Variants in SCAPER observed in about 807,000 individuals in gnomAD.
SCAPER encodes the protein S phase cyclin A-associated protein in the endoplasmic reticulum.
Under a neutral mutation model 182.2 loss-of-function variants are expected in SCAPER, and 98 were observed. The observed-to-expected ratio is 0.54, with a 90% CI of 0.46 to 0.64. The LOEUF (loss-of-function observed/expected upper bound fraction) is 0.64. Among genes scored for constraint, SCAPER ranks in the 30% least tolerant of loss-of-function variants. SCAPER has a pLI of 0.00. For missense variants in SCAPER, 1,432 were observed against 1,690.0 expected, an observed-to-expected ratio of 0.85 and a Z score of 2.68; for synonymous variants, 605 against 564.6, an observed-to-expected ratio of 1.07 and a Z score of -1.01.
chr15:76,714,588 G>A (rs1237226242), intron 17 of SCAPER, among the ~76,000 whole-genome samples: 1 of 150,438 alleles, frequency 6.6e-6, no homozygotes, highest in Non-Finnish European at 1.5e-5. Flanking sequence ...TAGTGATTTG[G>A]AGGGACATAA....
At chr15:76,436,028 C>T (rs973278763) in intron 25 of SCAPER, among the ~76,000 whole-genome samples, 5 of 152,040 alleles carry the variant, frequency 3.3e-5, no homozygotes, top group Non-Finnish European at 7.4e-5. Context: ...TATTTCTTTG[C>T]TAATTTCCTC....
At chr15:76,748,281 C>T (rs943083548) in intron 15 of SCAPER, among the ~76,000 whole-genome samples, 5 of 152,044 alleles carry the variant, frequency 3.3e-5, no homozygotes, top group African/African-American at 7.2e-5. Context: ...TGAGCCACCG[C>T]GCCTGGCCGA....
rs575189094 is a variant in SCAPER, at chr15:76,551,814, A to C, written c.2838+22344T>G. ...TTAAAATATCACACTGTACCCCCATAAATATGTGCAATTATTATGAGTCAA... is the reference window on the plus strand; with the variant it reads ...TTAAAATATCACACTGTACCCCCATCAATATGTGCAATTATTATGAGTCAA... On this transcript the variant is annotated intron_variant, in intron 23 of 31. Transcript: ENST00000563290. Among the ~76,000 whole-genome samples, 40 of 152,280 alleles carry C rather than the reference A, an allele frequency of 2.6e-4. No individual in the cohort carries two copies. The South Asian group carries it at 3.3e-3, about 13-fold the overall frequency.
chr15:76,560,461 G>A (rs1024530844), intron 23 of SCAPER, among the ~76,000 whole-genome samples: 2 of 151,888 alleles, frequency 1.3e-5, no homozygotes, highest in Non-Finnish European at 2.9e-5. Context: ...ACAATTCTTC[G>A]GGATGTGCCA....
chr15:76,536,245 G>A (rs1288553539), intron 23 of SCAPER, among the ~76,000 whole-genome samples: 1 of 152,080 alleles, frequency 6.6e-6, no homozygotes, highest in Non-Finnish European at 1.5e-5. Context: ...GTGCCACTCA[G>A]CTACTCAGGA....
intron 20 of SCAPER, among the ~76,000 whole-genome samples, chr15:76,669,405 T>G (rs1409781517): frequency 6.6e-6 from 1 of 152,218 alleles, no homozygotes; most frequent in East Asian, 1.9e-4. Context: ...AACCCAGGTC[T>G]TTCTTTTCAA....
At chr15:76,536,897 A>T (rs1454133239) in intron 23 of SCAPER, among the ~76,000 whole-genome samples, 1 of 151,700 alleles carries the variant, frequency 6.6e-6, no homozygotes. Context: ...ATGTACAAAA[A>T]TCACAAGCAT....
intron 7 of SCAPER, among the ~76,000 whole-genome samples, chr15:76,798,410 T>C (rs1332174183): frequency 6.8e-6 from 1 of 146,088 alleles, no homozygotes. Context: ...GAACAGATCC[T>C]CAAATGGGAC....
Position 76,497,721 on chromosome 15 carries a change from G to A in SCAPER, c.2954+7138C>T, listed in dbSNP as rs540007105. Reference sequence around the variant, plus strand: ...AAGAAGTAAGCACATGGCCGGGCACGGTGGCTCATGCCTGTAATCCCAGCA... The same window carrying A: ...AAGAAGTAAGCACATGGCCGGGCACAGTGGCTCATGCCTGTAATCCCAGCA... On this transcript the variant is annotated intron_variant, in intron 24 of 31. Transcript: ENST00000563290. Among the ~76,000 whole-genome samples the A allele has an allele frequency of 4.6e-5, 7 of 152,054 alleles. No homozygotes were observed. In the East Asian group the frequency reaches 5.8e-4, roughly 13 times the overall value.
At chr15:76,551,311 G>A (rs2045750625) in intron 23 of SCAPER, among the ~76,000 whole-genome samples, 3 of 152,084 alleles carry the variant, frequency 2.0e-5, no homozygotes, top group African/African-American at 4.8e-5. Context: ...ATCAACCTAA[G>A]TGTCCATCAA....
chr15:76,730,348 C>T (rs1022937388), intron 16 of SCAPER, among the ~76,000 whole-genome samples: 3 of 151,704 alleles, frequency 2.0e-5, no homozygotes, highest in African/African-American at 4.8e-5. Context: ...GGAGGGAATG[C>T]CCTTATTTGA....
intron 17 of SCAPER, among the ~76,000 whole-genome samples, chr15:76,713,600 AG>A (rs2059715705): frequency 6.6e-6 from 1 of 151,086 alleles, no homozygotes; most frequent in South Asian, 2.1e-4. Context: ...GGACACAGGA[AG>A]GGGAACATCA....
intron 23 of SCAPER, among the ~76,000 whole-genome samples, chr15:76,538,572 C>T (rs1285597274): frequency 6.6e-6 from 1 of 151,724 alleles, no homozygotes; most frequent in East Asian, 1.9e-4. Flanking sequence ...GTTGTGGGGT[C>T]GGGGAGAGGG....
At chr15:76,365,270 A>G (rs1472414425) in intron 29 of SCAPER, among the ~76,000 whole-genome samples, 1 of 152,238 alleles carries the variant, frequency 6.6e-6, no homozygotes, top group Non-Finnish European at 1.5e-5. Context: ...AAAGCTGATA[A>G]ATGAGAGAAG....
At chr15:76,466,630 G>A (rs144125606) in intron 25 of SCAPER, among the ~76,000 whole-genome samples, 159 of 150,874 alleles carry the variant, frequency 1.1e-3, no homozygotes, top group African/African-American at 3.5e-3. Flanking sequence ...TTTCTTCTAC[G>A]TCTCGAAAGC....
chr15:76,726,015 T>G (rs1462255312), intron 17 of SCAPER, among the ~76,000 whole-genome samples: 1 of 149,286 alleles, frequency 6.7e-6, no homozygotes, highest in Non-Finnish European at 1.5e-5. Flanking sequence ...TATGTCCAAA[T>G]TTAAAACTTT....
At position 76,796,100 on chromosome 15, in the gene SCAPER, G is replaced by A. The variant is rs766752444; in HGVS notation, c.612-660C>T. On this transcript the variant is annotated intron_variant, in intron 7 of 31. Transcript: ENST00000563290. ...AAAAGACATAAATATGCATTAATTCGTCAATCTTGATAAAGACACTACTAA... is the reference window on the plus strand; with the variant it reads ...AAAAGACATAAATATGCATTAATTCATCAATCTTGATAAAGACACTACTAA... Among the ~76,000 whole-genome samples the A allele has an allele frequency of 1.8e-4, 28 of 152,040 alleles. No individual in the cohort carries two copies. The East Asian group carries it at 2.7e-3, about 15-fold the overall frequency.
intron 22 of SCAPER, among the ~76,000 whole-genome samples, chr15:76,577,309 TG>T (rs2047907232): frequency 1.3e-5 from 2 of 152,164 alleles, no homozygotes; most frequent in Admixed American, 6.5e-5. Context: ...TAGCTGGGTG[TG>T]GTGGCACACA....
chr15:76,748,086 G>A (rs757407443), intron 15 of SCAPER, among the ~76,000 whole-genome samples: 4 of 151,646 alleles, frequency 2.6e-5, no homozygotes, highest in Non-Finnish European at 4.4e-5. Flanking sequence ...CGCCTCCCGG[G>A]TTCAAGCCAT....
Sources: allele counts gnomAD v4.1 joint callset (sites outside exome capture counted in the v4.1 genomes callset), GRCh38; gene constraint gnomAD v4.1.1; transcripts MANE v1.5; gene names NCBI Gene and HGNC (gene_info 2026-07-23, HGNC 2026-07-21).